Variants in MTR observed in about 807,000 individuals in gnomAD.
MTR encodes the protein methionine synthase.
Under a neutral mutation model 154.8 loss-of-function variants are expected in MTR, and 84 were observed. The observed-to-expected ratio is 0.54, with a 90% CI of 0.45 to 0.65. MTR has a LOEUF of 0.65. MTR is among the 30% of genes least tolerant of loss of function. The probability of loss-of-function intolerance (pLI) is 0.00; values close to 1 mark genes in which losing one functional copy is unlikely to be tolerated. For synonymous variants in MTR, 554 were observed against 553.9 expected (o/e 1.00, Z 0.00); for missense variants, 1,275 against 1,570.2 (o/e 0.81, Z 3.18).
At chr1:236,868,309 G>A (rs910482692) in intron 22 of MTR, among the ~76,000 whole-genome samples, 1 of 151,990 alleles carries the variant, frequency 6.6e-6, no homozygotes, top group Non-Finnish European at 1.5e-5. Flanking sequence ...TTTAAATTAA[G>A]GTATGTATAC....
At chr1:236,809,749 A>G (rs1661194364) in intron 4 of MTR, among the ~76,000 whole-genome samples, 1 of 152,222 alleles carries the variant, frequency 6.6e-6, no homozygotes. Context: ...TTAAATTACA[A>G]AGCATAGCCC....
intron 18 of MTR, among the ~76,000 whole-genome samples, chr1:236,854,352 GT>G (rs780943293): frequency 5.3e-5 from 8 of 152,182 alleles, no homozygotes; most frequent in Admixed American, 1.3e-4. Flanking sequence ...AGGACAGAAT[GT>G]TTCATTTGGT....
chr1:236,835,132 G>C (rs1156264545), intron 13 of MTR, among the ~76,000 whole-genome samples: 2 of 151,926 alleles, frequency 1.3e-5, no homozygotes, highest in Non-Finnish European at 2.9e-5. Context: ...TAAACAATGT[G>C]GAAGGGAAAG....
intron 15 of MTR, among the ~76,000 whole-genome samples, chr1:236,839,656 G>A (rs1379171925): frequency 6.6e-6 from 1 of 151,950 alleles, no homozygotes; most frequent in East Asian, 1.9e-4. Flanking sequence ...GAATATTTTG[G>A]TACCTATTTA....
intron 8 of MTR, chr1:236,819,651 G>C: frequency 3.4e-6 from 2 of 588,234 alleles, no homozygotes; most frequent in Non-Finnish European, 6.4e-6. Flanking sequence ...CAGAGCCCCT[G>C]ATGTCCTGCA....
intron 16 of MTR, 47 bp downstream of exon 16, chr1:236,850,570 C>A: frequency 6.5e-7 from 1 of 1,544,284 alleles, no homozygotes; most frequent in Non-Finnish European, 9.0e-7. Context: ...AAATTTGTCC[C>A]ATGGGTCTAA....
chr1:236,805,898 A>G (rs1660956411), intron 2 of MTR, among the ~76,000 whole-genome samples: 1 of 152,194 alleles, frequency 6.6e-6, no homozygotes, highest in East Asian at 1.9e-4. Context: ...GGACTTGATT[A>G]AGTTCTTATA....
intron 8 of MTR, chr1:236,820,100 G>T (rs1438700456): frequency 1.3e-6 from 1 of 769,398 alleles, no homozygotes; most frequent in Middle Eastern, 2.9e-4. Flanking sequence ...TCCCCTCTGC[G>T]CTATGTGGAC....
chr1:236,800,090 T>G, intron 1 of MTR: 2 of 985,370 alleles, frequency 2.0e-6, no homozygotes, highest in Non-Finnish European at 2.4e-6. Flanking sequence ...AAGGGCCCCA[T>G]GGAAAAGTAC....
In MTR at chr1:236,812,847, G is replaced by C; in HGVS notation, c.609+3G>C. 1 of 1,612,702 alleles carries C rather than the reference G, an allele frequency of 6.2e-7. No homozygotes were observed. The highest frequency in any genetic ancestry group is 1.3e-5 in the African/African-American group (1 of 75,010). The stretch of plus-strand genomic sequence containing the variant: ...TTTTTGATACTGCCAATGCCAAGGT[G>C]AGTTAAGGGAGAAAAAACAGACAAG... On this transcript the variant is annotated splice_donor_region_variant and intron_variant, in intron 6 of 32. Coordinates refer to ENST00000366577, the MANE Select transcript of MTR (RefSeq NM_000254.3).
At chr1:236,864,994 T>C (rs1322113551) in intron 22 of MTR, among the ~76,000 whole-genome samples, 4 of 152,266 alleles carry the variant, frequency 2.6e-5, no homozygotes, top group African/African-American at 9.6e-5. Context: ...CATTGTCATG[T>C]GCTTTATCAT....
chr1:236,865,800 C>CT (rs1664790086), intron 22 of MTR, among the ~76,000 whole-genome samples: 1 of 151,724 alleles, frequency 6.6e-6, no homozygotes, highest in South Asian at 2.1e-4. Flanking sequence ...TCTTTGTCAC[C>CT]TTTTTGTTGT....
chr1:236,885,392 A>T lies in MTR; in HGVS notation c.2775+173A>T, dbSNP rs141881679. 1.8e-3 allele frequency among the ~76,000 whole-genome samples: 279 copies of T among 152,264 alleles called. 4 individuals carry two copies. The Middle Eastern group carries it at 0.048, about 26-fold the overall frequency. On this transcript the variant is annotated intron_variant, in intron 26 of 32. Coordinates refer to ENST00000366577, the MANE Select transcript of MTR (RefSeq NM_000254.3). The stretch of plus-strand genomic sequence containing the variant: ...AGGTCTTCAGTGTCTTAAGTTCCCA[A>T]ATAATTTTTGGTTGTATTGAAATGA...
chr1:236,814,090 A>T (rs993341289), intron 6 of MTR, among the ~76,000 whole-genome samples: 8 of 152,152 alleles, frequency 5.3e-5, no homozygotes, highest in African/African-American at 1.7e-4. Context: ...TTTTCAAAAA[A>T]ATCGTTTTCT....
At chr1:236,891,052 G>A (rs1666287364) in intron 28 of MTR, 81 bp from the exon 29 acceptor site, 2 of 1,450,060 alleles carry the variant, frequency 1.4e-6, no homozygotes, top group Admixed American at 3.3e-5. Flanking sequence ...ACTGAGGAGG[G>A]GTAATGGCTT....
At chr1:236,826,097 G>T (rs544083043) in intron 10 of MTR, among the ~76,000 whole-genome samples, 1 of 152,176 alleles carries the variant, frequency 6.6e-6, no homozygotes, top group East Asian at 1.9e-4. Context: ...ACTACCATAT[G>T]GTTTTTGGAG....
chr1:236,897,598 A>T lies in MTR; in HGVS notation c.3752A>T (p.Glu1251Val). 3.1e-6 allele frequency: 5 copies of T among 1,613,220 alleles called. No homozygotes were observed. Among genetic ancestry groups the T allele is most frequent in the Non-Finnish European group, 4.2e-6 (5 of 1,179,638 alleles). Residue 1251 changes from glutamate to valine, a missense_variant, in exon 33 of 33, where the codon GAG becomes GTG. By Grantham distance (121) the Glu-to-Val change is moderately radical (BLOSUM62 -2). Coordinates refer to ENST00000366577, the MANE Select transcript of MTR (RefSeq NM_000254.3). ...TTGAGGAAGAACATATCTGTGGCTG[A>T]GGTTGAGAAATGGCTTGGACCCATT... Reference protein sequence around the residue: ...YALRKNISVAEVEKWLGPILG... With the variant: ...YALRKNISVAVVEKWLGPILG...
intron 23 of MTR, among the ~76,000 whole-genome samples, chr1:236,874,486 G>C (rs573748300): frequency 1.3e-5 from 2 of 151,348 alleles, no homozygotes; most frequent in African/African-American, 4.9e-5. Context: ...CAGGAGAATC[G>C]CTTGAACCCA....
At chr1:236,894,933 A>G (rs1257555301) in intron 30 of MTR, 2 of 354,878 alleles carry the variant, frequency 5.6e-6, no homozygotes, top group Non-Finnish European at 1.0e-5. Context: ...GGTGTCATCT[A>G]TAGATTCTTC....
Sources: gnomAD v4.1 joint callset for allele counts (sites outside exome capture counted in the v4.1 genomes callset) on GRCh38, gnomAD v4.1.1 for gene constraint, MANE v1.5 for transcripts, NCBI Gene and HGNC (gene_info 2026-07-23, HGNC 2026-07-21) for gene names.